The following CNTNAP5 variants were observed in gnomAD, a reference collection of about 807,000 sequenced individuals.
CNTNAP5 encodes contactin-associated protein-like 5.
In CNTNAP5, 72 loss-of-function variants were observed where a neutral mutation model predicts 150.2. The observed-to-expected ratio is 0.48, with a 90% CI of 0.40 to 0.58. CNTNAP5 has a LOEUF of 0.58. Among genes scored for constraint, CNTNAP5 ranks in the 20% least tolerant of loss-of-function variants. CNTNAP5 has a pLI of 0.00. For synonymous variants in CNTNAP5, 672 were observed against 619.8 expected, an observed-to-expected ratio of 1.08 and a Z score of -1.25; for missense variants, 1,636 against 1,626.2, an observed-to-expected ratio of 1.01 and a Z score of -0.10.
chr2:124,786,589 AAG>A (rs950604347), intron 17 of CNTNAP5, among the ~76,000 whole-genome samples: 11 of 151,970 alleles, frequency 7.2e-5, no homozygotes, highest in African/African-American at 2.7e-4. Flanking sequence ...AGAAAAAAGA[AAG>A]AGAAAGAAAG....
At position 124,458,197 on chromosome 2, in the gene CNTNAP5, CTAAT is replaced by C. The variant is rs1196217047; in HGVS notation, c.918+11261_918+11264del. The stretch of plus-strand genomic sequence containing the variant: ...ATCAATCAATTAGTGGATAAAGAAA[CTAAT>C]ATATATATATATAATATATATAATA... On this transcript the variant is annotated intron_variant, in intron 6 of 23. Transcript: ENST00000682447. Among the ~76,000 whole-genome samples the C allele has an allele frequency of 3.4e-3, 245 of 72,288 alleles. 2 individuals are homozygous for C. Among genetic ancestry groups the C allele is most frequent in the African/African-American group, 0.011 (238 of 21,690 alleles). 47.4% of individuals were successfully genotyped at this position (72,288 alleles called of 152,430 possible).
chr2:124,225,729 AT>A (rs1163456654), intron 2 of CNTNAP5, among the ~76,000 whole-genome samples: 3 of 152,170 alleles, frequency 2.0e-5, no homozygotes, highest in African/African-American at 7.2e-5. Flanking sequence ...CAGAGAATGT[AT>A]TCATATTAGA....
chr2:124,174,558 AC>A (rs1685016703), intron 1 of CNTNAP5, among the ~76,000 whole-genome samples: 1 of 152,336 alleles, frequency 6.6e-6, no homozygotes, highest in Non-Finnish European at 1.5e-5. Context: ...TAAAAGTGGA[AC>A]CTGAAGATGT....
chr2:124,823,249 C>T (rs1007953186), intron 19 of CNTNAP5, among the ~76,000 whole-genome samples: 4 of 152,104 alleles, frequency 2.6e-5, no homozygotes, highest in African/African-American at 7.2e-5. Flanking sequence ...GGAAAGCTAC[C>T]TAAGACACCA....
At chr2:124,414,572 G>C (rs949514902) in intron 3 of CNTNAP5, among the ~76,000 whole-genome samples, 1 of 152,152 alleles carries the variant, frequency 6.6e-6, no homozygotes, top group Non-Finnish European at 1.5e-5. Context: ...CTCAGAATGA[G>C]AGTCCAAGAT....
At chr2:124,368,885 G>A (rs540179424) in intron 3 of CNTNAP5, among the ~76,000 whole-genome samples, 9 of 152,190 alleles carry the variant, frequency 5.9e-5, no homozygotes, top group Non-Finnish European at 1.3e-4. Flanking sequence ...CAGCTCTGAC[G>A]AGAGAAGCTA....
chr2:124,807,545 A>G (rs534500697), intron 19 of CNTNAP5, among the ~76,000 whole-genome samples: 91 of 152,270 alleles, frequency 6.0e-4, no homozygotes, highest in African/African-American at 1.9e-3. Flanking sequence ...GTATTTCCCT[A>G]TTTTACAGAC....
chr2:124,813,534 A>G (rs144454596), intron 19 of CNTNAP5, among the ~76,000 whole-genome samples: 90 of 147,806 alleles, frequency 6.1e-4, no homozygotes, highest in African/African-American at 2.1e-3. Flanking sequence ...GCCTTAAAAG[A>G]ATTGTCTCAA....
At chr2:124,212,687 C>A (rs553981332) in intron 1 of CNTNAP5, among the ~76,000 whole-genome samples, 1 of 152,094 alleles carries the variant, frequency 6.6e-6, no homozygotes, top group African/African-American at 2.4e-5. Flanking sequence ...GCACAGTCCT[C>A]GACTTCTGAT....
intron 3 of CNTNAP5, among the ~76,000 whole-genome samples, chr2:124,278,573 G>A (rs1490269445): frequency 6.6e-6 from 1 of 152,166 alleles, no homozygotes; most frequent in Non-Finnish European, 1.5e-5. Context: ...CAAGCCTCAT[G>A]TGGATGATGC....
intron 1 of CNTNAP5, among the ~76,000 whole-genome samples, chr2:124,174,352 A>G (rs557186282): frequency 4.6e-5 from 7 of 152,194 alleles, no homozygotes; most frequent in Non-Finnish European, 1.0e-4. Context: ...ATCTGGGTAG[A>G]GTAAATTGAA....
intron 22 of CNTNAP5, among the ~76,000 whole-genome samples, chr2:124,908,927 AGTT>A (rs1678597238): frequency 6.6e-6 from 1 of 152,168 alleles, no homozygotes; most frequent in Admixed American, 6.6e-5. Context: ...ATTTTTGTAT[AGTT>A]GTATGATATT....
intron 11 of CNTNAP5, among the ~76,000 whole-genome samples, chr2:124,598,303 G>A (rs1696879738): frequency 1.1e-5 from 1 of 91,672 alleles, no homozygotes; most frequent in African/African-American, 3.9e-5. Context: ...TGATGATGGT[G>A]ATGTACAGAT....
intron 19 of CNTNAP5, among the ~76,000 whole-genome samples, chr2:124,824,474 G>A (rs1682553057): frequency 6.6e-6 from 1 of 152,130 alleles, no homozygotes; most frequent in African/African-American, 2.4e-5. Context: ...CGTGTCCATG[G>A]AAAGGGGTTC....
intron 13 of CNTNAP5, among the ~76,000 whole-genome samples, chr2:124,708,805 A>G (rs1306713270): frequency 6.6e-6 from 1 of 152,230 alleles, no homozygotes; most frequent in Non-Finnish European, 1.5e-5. Flanking sequence ...TCTCTAAGCC[A>G]GAATTGCTCA....
chr2:124,458,045 C>T (rs2104817411), intron 6 of CNTNAP5, among the ~76,000 whole-genome samples: 1 of 151,592 alleles, frequency 6.6e-6, no homozygotes, highest in East Asian at 2.0e-4. Flanking sequence ...CCATTGGATC[C>T]AGCAATCCCA....
intron 3 of CNTNAP5, among the ~76,000 whole-genome samples, chr2:124,329,637 A>C (rs1689300300): frequency 6.6e-6 from 1 of 152,178 alleles, no homozygotes; most frequent in Non-Finnish European, 1.5e-5. Context: ...TGAAGAAAAA[A>C]AACATATATT....
chr2:124,121,452 G>A (rs1472613341), intron 1 of CNTNAP5, among the ~76,000 whole-genome samples: 1 of 152,036 alleles, frequency 6.6e-6, no homozygotes. Flanking sequence ...TGGTTTCACC[G>A]ACATCAGCAC....
chr2:124,303,471 A>G (rs1026557614), intron 3 of CNTNAP5, among the ~76,000 whole-genome samples: 2 of 152,200 alleles, frequency 1.3e-5, no homozygotes, highest in African/African-American at 4.8e-5. Context: ...CTCTGAGGCT[A>G]GAAACAGCTG....
Sources: gnomAD v4.1 joint callset for allele counts (sites outside exome capture counted in the v4.1 genomes callset) on GRCh38, gnomAD v4.1.1 for gene constraint, MANE v1.5 for transcripts, NCBI Gene and HGNC (gene_info 2026-07-23, HGNC 2026-07-21) for gene names.